Variants in RIN2 observed in about 807,000 individuals in gnomAD.
RIN2 encodes the protein RAB5 interacting protein 2.
In RIN2, 36 loss-of-function variants were observed where a neutral mutation model predicts 78.0. The ratio of observed to expected loss-of-function variants is 0.46; its 90% CI spans 0.35 to 0.61. RIN2 has a LOEUF of 0.61. Among genes scored for constraint, RIN2 ranks in the 20% least tolerant of loss-of-function variants. RIN2 has a pLI of 0.00. For synonymous variants in RIN2, 466 were observed against 466.8 expected, an observed-to-expected ratio of 1.00 and a Z score of 0.02; for missense variants, 1,087 against 1,159.7, an observed-to-expected ratio of 0.94 and a Z score of 0.91.
intron 1 of RIN2, among the ~76,000 whole-genome samples, chr20:19,790,697 T>C (rs1373304003): frequency 6.6e-6 from 1 of 152,138 alleles, no homozygotes; most frequent in Non-Finnish European, 1.5e-5. Flanking sequence ...AACTTCCTTA[T>C]CCTTTGGGTG....
chr20:19,924,146 ACCCTACCTCTTTATAC>A, intron 3 of RIN2, among the ~76,000 whole-genome samples: 1 of 76,544 alleles, frequency 1.3e-5, no homozygotes, highest in South Asian at 6.0e-4. Context: ...CCACCTTCAT[ACCCTACCTCTTTATAC>A]CCCCACCTTC....
chr20:19,990,319 C>T lies in RIN2; in HGVS notation c.2068+8C>T, dbSNP rs571426493. 86 of 1,598,732 alleles carry T rather than the reference C, an allele frequency of 5.4e-5. No individual in the cohort carries two copies. The South Asian group carries it at 8.1e-4, about 15-fold the overall frequency. On this transcript the variant is annotated splice_region_variant and intron_variant, in intron 10 of 12. Coordinates refer to ENST00000255006, the MANE Select transcript of RIN2 (RefSeq NM_018993.4). ...TCATGGAGAACAACTCAGGTGAGGC[C>T]GCTGGAAGCCCAGGCTTCGTGCCGC...
At chr20:19,941,844 G>T (rs915445703) in intron 4 of RIN2, among the ~76,000 whole-genome samples, 1 of 152,104 alleles carries the variant, frequency 6.6e-6, no homozygotes, top group African/African-American at 2.4e-5. Flanking sequence ...GCCGGGCAGG[G>T]TGACTCACAC....
At chr20:19,915,608 T>C (rs1481696383) in intron 3 of RIN2, among the ~76,000 whole-genome samples, 1 of 152,188 alleles carries the variant, frequency 6.6e-6, no homozygotes, top group African/African-American at 2.4e-5. Context: ...AGAGCGCAGG[T>C]TCCAAATGAG....
At chr20:19,820,335 G>A (rs902214642) in intron 2 of RIN2, among the ~76,000 whole-genome samples, 10 of 152,292 alleles carry the variant, frequency 6.6e-5, no homozygotes, top group South Asian at 2.1e-4. Flanking sequence ...AGACTCCATC[G>A]TAGCCTTTCT....
rs373312895 is a variant in RIN2, at chr20:19,989,169, GCCCCACTAATGT to G, written c.1763-834_1763-823del. Among the ~76,000 whole-genome samples, 486 of 151,936 alleles carry G rather than the reference GCCCCACTAATGT, an allele frequency of 3.2e-3. 2 individuals are homozygous for G. Among genetic ancestry groups the G allele is most frequent in the African/African-American group, 0.011 (461 of 41,384 alleles). On this transcript the variant is annotated intron_variant, in intron 9 of 12. Transcript: ENST00000255006. Reference sequence around the variant, plus strand: ...ACCTTATCTGCAGGCTGTATTCGATGCCCCACTAATGTCCTTTATAGCAAATGAAGAATTTTT... The same window carrying G: ...ACCTTATCTGCAGGCTGTATTCGATGCCTTTATAGCAAATGAAGAATTTTT...
Position 19,956,720 on chromosome 20 carries a change from C to A in RIN2, c.264C>A (p.Asp88Glu). ...TCTCCAACAGGCTCAGCATCTTGGACCGGCTCCTCCACACCCACCCCATAT... is the reference window on the plus strand; with the variant it reads ...TCTCCAACAGGCTCAGCATCTTGGAACGGCTCCTCCACACCCACCCCATAT... ...DSLSNRLSIL[D>E]RLLHTHPIWL... Residue 88 changes from aspartate to glutamate, a missense_variant, in exon 5 of 13, where the codon GAC becomes GAA. Asp to Glu is a conservative substitution (Grantham distance 45). Transcript: ENST00000255006. 5.0e-6 allele frequency: 8 copies of A among 1,610,808 alleles called. No homozygotes were observed. The highest frequency in any genetic ancestry group is 6.8e-6 in the Non-Finnish European group (8 of 1,178,694).
intron 2 of RIN2, among the ~76,000 whole-genome samples, chr20:19,848,107 G>A (rs564134100): frequency 6.6e-6 from 1 of 152,332 alleles, no homozygotes; most frequent in South Asian, 2.1e-4. Context: ...ACATTGAGGT[G>A]TTGGTGGCAT....
At chr20:19,775,508 G>A (rs2034279315) in intron 1 of RIN2, among the ~76,000 whole-genome samples, 1 of 152,210 alleles carries the variant, frequency 6.6e-6, no homozygotes. Flanking sequence ...TTCAAAAAGA[G>A]ACTGTAGATA....
In RIN2 at chr20:19,990,130, G is replaced by T; in HGVS notation, c.1887G>T (p.Gln629His). The T allele has an allele frequency of 1.2e-6, 2 of 1,602,114 alleles. No individual in the cohort carries two copies. Among genetic ancestry groups the T allele is most frequent in the Non-Finnish European group, 1.7e-6 (2 of 1,174,440 alleles). The change falls in exon 10 of 13, where the codon CAG becomes CAT. Residue 629 changes from glutamine (Q) to histidine (H), a missense_variant. This residue lies in a region of RIN2 where 97 missense variants were observed against 104.8 expected (regional missense o/e 0.93). Coordinates refer to ENST00000255006, the MANE Select transcript of RIN2 (RefSeq NM_018993.4). ...GSWKQLKENL[Q>H]LVRQRNPQEL... ...GGAAGCAACTCAAGGAGAACCTGCA[G>T]CTTGTGCGGCAGAGGAATCCGCAGG...
chr20:19,904,825 A>C (rs1046069267), intron 3 of RIN2, among the ~76,000 whole-genome samples: 1 of 152,216 alleles, frequency 6.6e-6, no homozygotes, highest in Non-Finnish European at 1.5e-5. Flanking sequence ...CAAGAAAACC[A>C]AAGTGCAATT....
intron 2 of RIN2, chr20:19,823,989 A>C: frequency 8.2e-7 from 1 of 1,223,228 alleles, no homozygotes; most frequent in Non-Finnish European, 1.2e-6. Flanking sequence ...AGGACGACCG[A>C]AGAAAGTTGC....
intron 1 of RIN2, among the ~76,000 whole-genome samples, chr20:19,781,327 T>G (rs2034497823): frequency 6.6e-6 from 1 of 152,208 alleles, no homozygotes; most frequent in Non-Finnish European, 1.5e-5. Context: ...AATTCGCTTA[T>G]TATTGCCAAG....
chr20:19,923,613 A>G (rs1349436263), intron 3 of RIN2, among the ~76,000 whole-genome samples: 8 of 152,026 alleles, frequency 5.3e-5, no homozygotes, highest in Admixed American at 2.0e-4. Flanking sequence ...CTCCATCTCT[A>G]TTTTTAAAAA....
At chr20:19,782,250 A>G (rs1396491180) in intron 1 of RIN2, among the ~76,000 whole-genome samples, 1 of 152,146 alleles carries the variant, frequency 6.6e-6, no homozygotes, top group Non-Finnish European at 1.5e-5. Context: ...ACCTAAGCCA[A>G]TGTCAGGCAT....
chr20:19,760,881 T>C (rs115160480), intron 1 of RIN2, among the ~76,000 whole-genome samples: 1 of 152,184 alleles, frequency 6.6e-6, no homozygotes, highest in African/African-American at 2.4e-5. Flanking sequence ...CAGAATTCCT[T>C]GTGTGTGTGT....
At chr20:19,943,542 T>C (rs1319649338) in intron 4 of RIN2, among the ~76,000 whole-genome samples, 1 of 152,146 alleles carries the variant, frequency 6.6e-6, no homozygotes, top group African/African-American at 2.4e-5. Flanking sequence ...TAACCCCAAA[T>C]ATGCTAGTGA....
intron 3 of RIN2, among the ~76,000 whole-genome samples, chr20:19,895,287 A>G (rs1568581610): frequency 6.6e-6 from 1 of 152,166 alleles, no homozygotes; most frequent in South Asian, 2.1e-4. Context: ...TCCATTTGTC[A>G]TCACGGCTAT....
intron 3 of RIN2, among the ~76,000 whole-genome samples, chr20:19,915,993 G>A (rs1169484436): frequency 6.6e-6 from 1 of 152,214 alleles, no homozygotes; most frequent in African/African-American, 2.4e-5. Context: ...TGTAATCCCA[G>A]CACTTTGGGA....
Sources: allele counts gnomAD v4.1 joint callset (sites outside exome capture counted in the v4.1 genomes callset), GRCh38; gene constraint gnomAD v4.1.1; regional missense constraint gnomAD v4.1.1; transcripts MANE v1.5; gene names NCBI Gene and HGNC (gene_info 2026-07-23, HGNC 2026-07-21).